The following PREX1 variants were observed in gnomAD, a reference collection of about 807,000 sequenced individuals.
The protein encoded by PREX1 is phosphatidylinositol 3,4,5-trisphosphate-dependent Rac exchanger 1 protein.
Under a neutral mutation model 198.3 loss-of-function variants are expected in PREX1, and 41 were observed. That is an observed-to-expected ratio of 0.21 (90% CI 0.16 to 0.27). The LOEUF (loss-of-function observed/expected upper bound fraction) is 0.27. Among genes scored for constraint, PREX1 ranks in the 10% least tolerant of loss-of-function variants. The probability of loss-of-function intolerance (pLI) is 1.00; values close to 1 mark genes in which losing one functional copy is unlikely to be tolerated. For missense variants in PREX1, 1,620 were observed against 2,200.7 expected (o/e 0.74, Z 5.28); for synonymous variants, 843 against 887.2 (o/e 0.95, Z 0.89).
At position 48,666,222 on chromosome 20, in the gene PREX1, C is replaced by T; in HGVS notation, c.1738+61G>A. On this transcript the variant is annotated intron_variant, in intron 15 of 39. Transcript: ENST00000371941. This position sits in a 1 kb window ranked among gnomAD's most constrained non-coding sequence, Gnocchi z 4.3. ...CTGGCTTCAGTCCTCCCATACTCCC[C>T]CAAACCATCAGCTCCAGGGAGCAAG... The T allele has an allele frequency of 6.7e-7, 1 of 1,491,492 alleles. No homozygotes were observed. Among genetic ancestry groups the T allele is most frequent in the Non-Finnish European group, 9.1e-7 (1 of 1,100,202 alleles). The allele number at this position is 1,491,492 out of a possible 1,614,324, so 92.4% of individuals were successfully genotyped here. A position where few individuals can be genotyped will look rare whatever the true frequency, so the allele number is the denominator to read the frequency against.
intron 1 of PREX1, among the ~76,000 whole-genome samples, chr20:48,773,290 A>G (rs76257691): frequency 4.8e-5 from 7 of 144,610 alleles, no homozygotes; most frequent in South Asian, 2.2e-4. Context: ...AAAAAAAAAA[A>G]GGAAAGAAAA....
At chr20:48,668,373 A>G (rs1034902740) in intron 14 of PREX1, among the ~76,000 whole-genome samples, 3 of 152,212 alleles carry the variant, frequency 2.0e-5, no homozygotes, top group African/African-American at 7.2e-5. Flanking sequence ...GGGCTGACCT[A>G]GAGTCCCTGC....
chr20:48,880,184 T>C, the PREX1 span, among the ~76,000 whole-genome samples: 1 of 152,214 alleles, frequency 6.6e-6, no homozygotes, highest in Non-Finnish European at 1.5e-5. Context: ...TTTAATAAAT[T>C]ATTCATTTTG....
At position 48,679,461 on chromosome 20, in the gene PREX1, C is replaced by T. The variant is rs754538924; in HGVS notation, c.1540-52G>A. The T allele has an allele frequency of 1.0e-5, 16 of 1,568,538 alleles. No individual in the cohort carries two copies. The East Asian group carries it at 3.6e-4, about 35-fold the overall frequency. On this transcript the variant is annotated intron_variant, in intron 12 of 39. Coordinates refer to ENST00000371941, the MANE Select transcript of PREX1 (RefSeq NM_020820.4). The stretch of plus-strand genomic sequence containing the variant: ...GGGATCAGGCCACATCCTTCACGAG[C>T]CTCCAAATCCAGGCTGATGGGAGAG...
chr20:48,773,352 C>T (rs2090245800), intron 1 of PREX1, among the ~76,000 whole-genome samples: 1 of 151,820 alleles, frequency 6.6e-6, no homozygotes, highest in African/African-American at 2.4e-5. Flanking sequence ...TGGCATCTAG[C>T]TACCACATCC....
At chr20:48,876,640 C>G in the PREX1 span, among the ~76,000 whole-genome samples, 1 of 152,024 alleles carries the variant, frequency 6.6e-6, no homozygotes, top group African/African-American at 2.4e-5. Flanking sequence ...CTCTTAGGCA[C>G]TATTTAGGGA....
At chr20:48,735,663 C>T (rs1601104155) in intron 3 of PREX1, among the ~76,000 whole-genome samples, 1 of 150,722 alleles carries the variant, frequency 6.6e-6, no homozygotes, top group Admixed American at 6.6e-5. Context: ...ACGCTGCTCT[C>T]CTGGAATGGG....
At chr20:48,778,853 C>A (rs1222320322) in intron 1 of PREX1, among the ~76,000 whole-genome samples, 1 of 152,172 alleles carries the variant, frequency 6.6e-6, no homozygotes, top group Non-Finnish European at 1.5e-5. Flanking sequence ...CTACACACTT[C>A]ATACAAAAGT....
At chr20:48,736,217 C>T (rs1391146158) in intron 3 of PREX1, among the ~76,000 whole-genome samples, 1 of 152,166 alleles carries the variant, frequency 6.6e-6, no homozygotes, top group Non-Finnish European at 1.5e-5. Flanking sequence ...CAAACATAAA[C>T]ACAATCGACA....
chr20:48,849,886 G>A, the PREX1 span, among the ~76,000 whole-genome samples: 1 of 152,172 alleles, frequency 6.6e-6, no homozygotes, highest in Non-Finnish European at 1.5e-5. Context: ...TGGGGAGAAA[G>A]GTAGCATCAA....
At chr20:48,648,931 A>G (rs1334672398) in intron 25 of PREX1, among the ~76,000 whole-genome samples, 1 of 139,780 alleles carries the variant, frequency 7.2e-6, no homozygotes, top group Non-Finnish European at 1.6e-5. Flanking sequence ...CGGCTTGTAC[A>G]GCTGCCTCCT....
At position 48,680,551 on chromosome 20, in the gene PREX1, C is replaced by T. The variant is rs1362792646; in HGVS notation, c.1435+684G>A. ...TCTGACCTCGTCTCCTACCACGCCC[C>T]CTCCTCACTCTGAGGCAGCCACACT... is the stretch of plus-strand genomic sequence containing the variant. On this transcript the variant is annotated intron_variant, in intron 11 of 39. Coordinates refer to ENST00000371941, the MANE Select transcript of PREX1 (RefSeq NM_020820.4). Among the ~76,000 whole-genome samples, 6 of 152,296 alleles carry T rather than the reference C, an allele frequency of 3.9e-5. No individual in the cohort carries two copies. In the South Asian group the frequency reaches 6.2e-4, roughly 16 times the overall value.
intron 6 of PREX1, among the ~76,000 whole-genome samples, chr20:48,703,067 C>G (rs2123073009): frequency 6.6e-6 from 1 of 152,334 alleles, no homozygotes; most frequent in Middle Eastern, 3.4e-3. Flanking sequence ...AGCTCCTACC[C>G]CACTGGGACC....
intron 1 of PREX1, among the ~76,000 whole-genome samples, chr20:48,808,152 C>T (rs1321838377): frequency 1.3e-5 from 2 of 152,216 alleles, no homozygotes; most frequent in East Asian, 1.9e-4. Context: ...TGGGGAACAA[C>T]GGGGTGCTTC....
At chr20:48,649,949 T>C in intron 24 of PREX1, 47 bp downstream of exon 24, 1 of 1,597,758 alleles carries the variant, frequency 6.3e-7, no homozygotes, top group Non-Finnish European at 8.6e-7. Flanking sequence ...TTTAAGTATC[T>C]GGAGTGCAAC....
At chr20:48,758,334 C>T (rs115095738) in intron 1 of PREX1, among the ~76,000 whole-genome samples, 2,253 of 152,284 alleles carry the variant, frequency 0.015, 58 homozygotes, top group African/African-American at 0.052. Context: ...AGTGACAGAG[C>T]AGCTCAGAGC....
intron 5 of PREX1, among the ~76,000 whole-genome samples, chr20:48,719,380 G>A (rs569706599): frequency 6.6e-6 from 1 of 152,300 alleles, no homozygotes; most frequent in African/African-American, 2.4e-5. Flanking sequence ...AGCACAGGCT[G>A]ACACAGGTTG....
intron 25 of PREX1, among the ~76,000 whole-genome samples, chr20:48,647,688 A>C (rs1326086480): frequency 6.6e-6 from 1 of 152,192 alleles, no homozygotes; most frequent in Non-Finnish European, 1.5e-5. Context: ...GACTTGCCTA[A>C]GTTTGCACAG....
chr20:48,796,618 T>G (rs1296126161), intron 1 of PREX1, among the ~76,000 whole-genome samples: 1 of 151,370 alleles, frequency 6.6e-6, no homozygotes, highest in African/African-American at 2.4e-5. Context: ...ATTTATATAT[T>G]TATATGTGTA....
Sources: allele counts gnomAD v4.1 joint callset (sites outside exome capture counted in the v4.1 genomes callset), GRCh38; gene constraint gnomAD v4.1.1; non-coding constraint Gnocchi (gnomAD v3.1); transcripts MANE v1.5; gene names NCBI Gene and HGNC (gene_info 2026-07-23, HGNC 2026-07-21).